Variants in CCT4 observed in about 807,000 individuals in gnomAD.
CCT4 encodes the protein T-complex protein 1 subunit delta.
A neutral mutation model predicts 62.5 loss-of-function variants in CCT4; 17 were observed. The observed-to-expected ratio is 0.27, with a 90% confidence interval of 0.19 to 0.41. The LOEUF (loss-of-function observed/expected upper bound fraction) is 0.41. Ranked by LOEUF, CCT4 falls within the 10% of genes least tolerant of loss-of-function variation. CCT4 has a pLI of 1.00. For synonymous variants in CCT4, 250 were observed against 229.9 expected, an observed-to-expected ratio of 1.09 and a Z score of -0.79; for missense variants, 592 against 659.2, an observed-to-expected ratio of 0.90 and a Z score of 1.12.
chr2:61,872,897 A>G, intron 10 of CCT4, 105 bp downstream of exon 10: 1 of 753,706 alleles, frequency 1.3e-6, no homozygotes, highest in Non-Finnish European at 2.3e-6. Context: ...ACTGCACTCC[A>G]ACCTGGGCGA....
intron 13 of CCT4, among the ~76,000 whole-genome samples, chr2:61,869,143 GAAAAA>G (rs33947847): frequency 1.4e-5 from 1 of 70,712 alleles, no homozygotes; most frequent in African/African-American, 5.7e-5. Context: ...CTTCGTCTCA[GAAAAA>G]AAAAAAAAAA....
chr2:61,876,405 T>C (rs1188078208), intron 7 of CCT4, among the ~76,000 whole-genome samples, 171 bp from the exon 8 acceptor site: 2 of 152,216 alleles, frequency 1.3e-5, no homozygotes, highest in African/African-American at 2.4e-5. Context: ...CATCCCAAAC[T>C]TGAGTCTTTT....
chr2:61,888,665 C>T (rs570095897), upstream of CCT4: 9 of 835,342 alleles, frequency 1.1e-5, no homozygotes, highest in South Asian at 1.5e-4. Flanking sequence ...AGGGGGCCTT[C>T]CTTGCCGCGC....
intron 2 of CCT4, among the ~76,000 whole-genome samples, chr2:61,883,879 C>G (rs895267189): frequency 6.6e-6 from 1 of 151,954 alleles, no homozygotes; most frequent in Admixed American, 6.6e-5. Flanking sequence ...ATCAGAAACA[C>G]GATTTCCACC....
chr2:61,876,014 T>C (rs1004917085), intron 8 of CCT4, 81 bp downstream of exon 8: 5 of 862,550 alleles, frequency 5.8e-6, no homozygotes, highest in African/African-American at 5.1e-5. Flanking sequence ...GCTTAAATCA[T>C]ATATTTTATC....
intron 3 of CCT4, among the ~76,000 whole-genome samples, chr2:61,881,337 C>G (rs1024339709): frequency 6.6e-6 from 1 of 151,532 alleles, no homozygotes; most frequent in African/African-American, 2.4e-5. Flanking sequence ...TTTTGTTATC[C>G]TGTCGAACTC....
In CCT4 at chr2:61,880,329, A is replaced by C; in HGVS notation, c.336T>G (p.Ile112Met). 6.2e-7 allele frequency: 1 copy of C among 1,606,826 alleles called. No homozygotes were observed. Residue 112 changes from isoleucine to methionine, a missense_variant, in exon 4 of 14, where the codon ATT (isoleucine) becomes ATG (methionine). By Grantham distance (10) the Ile-to-Met change is conservative (BLOSUM62 1). This residue lies in a region of CCT4 where 522 missense variants were observed against 571.2 expected (regional missense o/e 0.91). Transcript: ENST00000394440. ...AGDGTTSVVI[I>M]AGSLLDSCTK... ...TACAAGAATCTAAGAGGGAGCCAGC[A>C]ATGATGACTACTGATGTGGTGCCAT...
chr2:61,878,545 C>A (rs988980465), intron 5 of CCT4, among the ~76,000 whole-genome samples: 2 of 152,142 alleles, frequency 1.3e-5, no homozygotes, highest in Non-Finnish European at 2.9e-5. Flanking sequence ...AGCTATACTG[C>A]CAGTAATCTA....
At chr2:61,868,855 G>C (rs1278895500) in intron 13 of CCT4, 149 bp from the exon 14 acceptor site, 2 of 653,882 alleles carry the variant, frequency 3.1e-6, no homozygotes, top group African/African-American at 3.6e-5. Context: ...GTAAAAACTT[G>C]GCCAGGCACG....
At chr2:61,879,134 T>C (rs974232224) in intron 4 of CCT4, 123 bp from the exon 5 acceptor site, 1 of 656,966 alleles carries the variant, frequency 1.5e-6, no homozygotes, top group African/African-American at 1.8e-5. Context: ...ATTACAAACT[T>C]ATGCTTCAGT....
intron 1 of CCT4, among the ~76,000 whole-genome samples, chr2:61,886,707 C>A (rs901591951): frequency 6.6e-6 from 1 of 151,968 alleles, no homozygotes; most frequent in Non-Finnish European, 1.5e-5. Context: ...AAATTTCCCA[C>A]TTATTTTGTT....
At chr2:61,883,416 CAAA>C (rs57068738) in intron 3 of CCT4, 40 bp downstream of exon 3, 30,411 of 694,728 alleles carry the variant, frequency 0.044, 7 homozygotes, top group Middle Eastern at 0.077. Flanking sequence ...GACTCTGTCT[CAAA>C]AAAAAAAAAA....
intron 12 of CCT4, 36 bp from the exon 13 acceptor site, chr2:61,869,589 C>T: frequency 8.5e-7 from 1 of 1,171,392 alleles, no homozygotes; most frequent in Non-Finnish European, 1.3e-6. Flanking sequence ...CTTTTAGTGT[C>T]TGTGATAATA....
chr2:61,871,808 G>A (rs1381671630), intron 12 of CCT4, among the ~76,000 whole-genome samples: 1 of 152,166 alleles, frequency 6.6e-6, no homozygotes, highest in East Asian at 1.9e-4. Flanking sequence ...AATCATCCCT[G>A]TTTTTACACC....
chr2:61,882,253 T>A (rs1669134766), intron 3 of CCT4, among the ~76,000 whole-genome samples: 1 of 152,180 alleles, frequency 6.6e-6, no homozygotes, highest in Non-Finnish European at 1.5e-5. Flanking sequence ...TTCTTTCTAA[T>A]GAATTTGTTT....
At position 61,884,299 on chromosome 2, in the gene CCT4, A is replaced by G. The variant is rs114379123; in HGVS notation, c.180+721T>C. Among the ~76,000 whole-genome samples the G allele has an allele frequency of 6.8e-3, 1,037 of 151,976 alleles. 8 individuals are homozygous for G. The highest frequency in any genetic ancestry group is 9.8e-3 in the Non-Finnish European group (663 of 67,936). On this transcript the variant is annotated intron_variant, in intron 2 of 13. Coordinates refer to ENST00000394440, the MANE Select transcript of CCT4 (RefSeq NM_006430.4). ...TTCCTCTGAATTCCAGGTACCCAAC[A>G]CTTTTTACTTTTTTTTTGGTTTGAG...
Position 61,888,641 on chromosome 2 carries a change from G to C in CCT4, c.-134C>G, listed in dbSNP as rs41281525. 1 of 1,068,922 alleles carries C rather than the reference G, an allele frequency of 9.4e-7. No individual in the cohort carries two copies. Among genetic ancestry groups the C allele is most frequent in the South Asian group, 1.7e-5 (1 of 59,606 alleles). The allele number at this position is 1,068,922 out of a possible 1,614,324, so 66.2% of individuals were successfully genotyped here. A position where few individuals can be genotyped will look rare whatever the true frequency, so the allele number is the denominator to read the frequency against. ...GAAAGCGGCGCCGGCGTCGGGAGGA[G>C]GCGGAGGCGGAGAAGGGGGCCTTCC... On this transcript the variant is annotated 5_prime_UTR_variant, in exon 1 of 14. Transcript: ENST00000394440.
chr2:61,873,914 C>T (rs1341847112), intron 8 of CCT4, among the ~76,000 whole-genome samples: 1 of 151,612 alleles, frequency 6.6e-6, no homozygotes, highest in Non-Finnish European at 1.5e-5. Context: ...TTGCCCAGGC[C>T]GGTCTTGAAC....
intron 1 of CCT4, 119 bp downstream of exon 1, chr2:61,888,262 A>G: frequency 8.1e-7 from 1 of 1,237,634 alleles, no homozygotes. Flanking sequence ...CTGCTTCTAT[A>G]GGGAGGACAA....
Sources: gnomAD v4.1 joint callset for allele counts (sites outside exome capture counted in the v4.1 genomes callset) on GRCh38, gnomAD v4.1.1 for gene constraint, gnomAD v4.1.1 regional missense constraint, MANE v1.5 for transcripts, NCBI Gene and HGNC (gene_info 2026-07-23, HGNC 2026-07-21) for gene names.